The following MAGI2 variants were observed in gnomAD, a reference collection of about 807,000 sequenced individuals.
The protein encoded by MAGI2 is membrane associated guanylate kinase, WW and PDZ domain containing 2.
A neutral mutation model predicts 133.3 loss-of-function variants in MAGI2; 35 were observed. The ratio of observed to expected loss-of-function variants is 0.26; its 90% CI spans 0.20 to 0.35. MAGI2 has a LOEUF of 0.35. MAGI2 is among the 10% of genes least tolerant of loss of function. The pLI, the probability that MAGI2 is intolerant of heterozygous loss-of-function variation, is 1.00. For synonymous variants in MAGI2, 729 were observed against 710.6 expected (o/e 1.03, Z -0.41); for missense variants, 1,636 against 1,863.4 (o/e 0.88, Z 2.25).
intron 1 of MAGI2, among the ~76,000 whole-genome samples, chr7:79,211,219 A>G (rs1278018836): frequency 9.2e-5 from 14 of 152,062 alleles, no homozygotes; most frequent in Non-Finnish European, 2.1e-4. Context: ...ATGTGTATCA[A>G]TATCTCTAAT....
chr7:79,053,936 C>A (rs1414014596), intron 1 of MAGI2, among the ~76,000 whole-genome samples: 1 of 152,136 alleles, frequency 6.6e-6, no homozygotes, highest in Admixed American at 6.5e-5. Flanking sequence ...GTGACTCACA[C>A]CTGTAATCCC....
At chr7:78,286,869 A>C (rs906376189) in intron 9 of MAGI2, among the ~76,000 whole-genome samples, 33 of 152,168 alleles carry the variant, frequency 2.2e-4, no homozygotes, top group African/African-American at 7.7e-4. Flanking sequence ...AAGACCAGGC[A>C]GATATGTTGA....
At chr7:79,376,531 C>T (rs1404506003) in intron 1 of MAGI2, among the ~76,000 whole-genome samples, 8 of 151,730 alleles carry the variant, frequency 5.3e-5, no homozygotes, top group Admixed American at 5.3e-4. Flanking sequence ...GATCATCAAG[C>T]CATGAAGATG....
intron 13 of MAGI2, among the ~76,000 whole-genome samples, chr7:78,183,233 C>A (rs1294201762): frequency 6.6e-6 from 1 of 151,282 alleles, no homozygotes; most frequent in Non-Finnish European, 1.5e-5. Flanking sequence ...AAACATGGGG[C>A]ATCTACTTAT....
intron 2 of MAGI2, among the ~76,000 whole-genome samples, chr7:78,944,556 C>T (rs1801252393): frequency 6.6e-6 from 1 of 151,954 alleles, no homozygotes; most frequent in Admixed American, 6.6e-5. Flanking sequence ...TTTTTCTTTT[C>T]TTTCAAATCA....
chr7:79,063,337 CAG>C (rs2117087470), intron 1 of MAGI2, among the ~76,000 whole-genome samples: 1 of 152,120 alleles, frequency 6.6e-6, no homozygotes, highest in South Asian at 2.1e-4. Flanking sequence ...ATAAAATATG[CAG>C]TCTCATCAAA....
chr7:78,401,470 C>A (rs1796860110), intron 6 of MAGI2, among the ~76,000 whole-genome samples: 1 of 148,366 alleles, frequency 6.7e-6, no homozygotes, highest in African/African-American at 2.5e-5. Context: ...TCTCTCTCCC[C>A]CTCTCTCTCT....
intron 2 of MAGI2, among the ~76,000 whole-genome samples, chr7:78,930,221 C>T (rs960733604): frequency 2.6e-5 from 4 of 152,060 alleles, no homozygotes; most frequent in Non-Finnish European, 5.9e-5. Flanking sequence ...GCTAATACAG[C>T]TCAGTAAGTA....
rs1196586219 is a variant in MAGI2 at position 79,299,577 on chromosome 7, A to G, written c.301+153443T>C. Among the ~76,000 whole-genome samples, 9 of 150,670 alleles carry G rather than the reference A, an allele frequency of 6.0e-5. No homozygotes were observed. In the South Asian group the frequency reaches 1.5e-3, roughly 25 times the overall value. The stretch of plus-strand genomic sequence containing the variant: ...CTCAAAAAAAAAAAAAAAAAAAGAT[A>G]TCTTTATTGTCCAAGGCATTCCTTT... On this transcript the variant is annotated intron_variant, in intron 1 of 21. Coordinates refer to ENST00000354212, the MANE Select transcript of MAGI2 (RefSeq NM_012301.4).
chr7:79,251,710 A>G (rs1173165313), intron 1 of MAGI2, among the ~76,000 whole-genome samples: 2 of 152,222 alleles, frequency 1.3e-5, no homozygotes, highest in East Asian at 1.9e-4. Flanking sequence ...GAACTACCAT[A>G]TGTTCCAGCA....
intron 6 of MAGI2, chr7:78,484,269 T>C (rs1443162855): frequency 6.6e-6 from 1 of 152,002 alleles, no homozygotes; most frequent in African/African-American, 2.4e-5. Context: ...CTGTTTAATA[T>C]GTATTGTAAA....
chr7:79,057,588 T>C (rs1449339705), intron 1 of MAGI2, among the ~76,000 whole-genome samples: 1 of 152,212 alleles, frequency 6.6e-6, no homozygotes, highest in Non-Finnish European at 1.5e-5. Flanking sequence ...CCTGCACACT[T>C]CTCTCAGCCC....
At chr7:78,356,205 G>A (rs1792063021) in intron 7 of MAGI2, among the ~76,000 whole-genome samples, 2 of 152,150 alleles carry the variant, frequency 1.3e-5, no homozygotes, top group Admixed American at 1.3e-4. Context: ...TCATGAATAA[G>A]ATTACAGTTC....
At chr7:79,257,190 A>G (rs966254102) in intron 1 of MAGI2, among the ~76,000 whole-genome samples, 1 of 152,162 alleles carries the variant, frequency 6.6e-6, no homozygotes, top group East Asian at 1.9e-4. Context: ...AGTCCCTTGC[A>G]TTTATAAAAA....
chr7:79,141,313 G>T (rs887843568), intron 1 of MAGI2, among the ~76,000 whole-genome samples: 12 of 152,082 alleles, frequency 7.9e-5, no homozygotes, highest in Admixed American at 7.9e-4. Flanking sequence ...AAAATACTTG[G>T]CTCTTGGATT....
At chr7:78,177,441 CACACAG>C (rs1380533219) in intron 14 of MAGI2, among the ~76,000 whole-genome samples, 2 of 149,612 alleles carry the variant, frequency 1.3e-5, no homozygotes, top group African/African-American at 5.1e-5. Context: ...CACACACACA[CACACAG>C]ACACACACAC....
chr7:79,186,952 A>G (rs951675087), intron 1 of MAGI2, among the ~76,000 whole-genome samples: 1 of 151,048 alleles, frequency 6.6e-6, no homozygotes. Flanking sequence ...AAGAACTCAG[A>G]CTATATTTGC....
intron 1 of MAGI2, among the ~76,000 whole-genome samples, chr7:79,335,150 T>G (rs921239606): frequency 6.6e-6 from 1 of 152,170 alleles, no homozygotes. Context: ...CTCTAAAGCA[T>G]GAAGATATTC....
intron 2 of MAGI2, among the ~76,000 whole-genome samples, chr7:78,890,874 G>A (rs544511493): frequency 0.025 from 3,806 of 152,124 alleles, 72 homozygotes; most frequent in Middle Eastern, 0.051. Context: ...AAATAACTAA[G>A]ATCAGAGCAG....
Sources: allele counts gnomAD v4.1 joint callset (sites outside exome capture counted in the v4.1 genomes callset), GRCh38; gene constraint gnomAD v4.1.1; transcripts MANE v1.5; gene names NCBI Gene and HGNC (gene_info 2026-07-23, HGNC 2026-07-21).